GBX2: variants seen among roughly 807,000 people sequenced by gnomAD.
GBX2 encodes homeobox protein GBX-2.
Under a neutral mutation model 22.4 loss-of-function variants are expected in GBX2, and 5 were observed. The observed-to-expected ratio is 0.22, with a 90% confidence interval of 0.12 to 0.47. GBX2 has a LOEUF of 0.47. Among genes scored for constraint, GBX2 ranks in the 20% least tolerant of loss-of-function variants. GBX2 has a pLI of 0.99. For synonymous variants in GBX2, 220 were observed against 230.5 expected (o/e 0.95, Z 0.41); for missense variants, 470 against 495.4 (o/e 0.95, Z 0.49).
Position 236,167,978 on chromosome 2 carries a change from G to T in GBX2, c.-7C>A. Reference sequence around the variant, plus strand: ...GCGGGAACGCTGCGCTCATAGACGCGCTCGGTAGAGGCCAGCGAGAGGCGA... The same window carrying T: ...GCGGGAACGCTGCGCTCATAGACGCTCTCGGTAGAGGCCAGCGAGAGGCGA... On this transcript the variant is annotated 5_prime_UTR_variant, in exon 1 of 2. Transcript: ENST00000306318. The T allele has an allele frequency of 6.5e-7, 1 of 1,549,544 alleles. No homozygotes were observed. The highest frequency in any genetic ancestry group is 8.7e-7 in the Non-Finnish European group (1 of 1,150,888).
At chr2:236,163,177 C>T (rs966395727), downstream of GBX2, among the ~76,000 whole-genome samples, 1 of 152,170 alleles carries the variant, frequency 6.6e-6, no homozygotes, top group Non-Finnish European at 1.5e-5. Context: ...GGCCATCAAG[C>T]GCTGCTTGTT....
At chr2:236,167,099 G>T in intron 1 of GBX2, 17 of 1,525,676 alleles carry the variant, frequency 1.1e-5, no homozygotes, top group Non-Finnish European at 1.5e-5. Context: ...CGGCTGAGAC[G>T]CGCAGCCCAA....
downstream of GBX2, among the ~76,000 whole-genome samples, chr2:236,162,053 G>A (rs555982553): frequency 1.5e-4 from 23 of 152,340 alleles, no homozygotes; most frequent in Admixed American, 7.2e-4. Flanking sequence ...AGCCCTGTGC[G>A]AGCTTCACCA....
chr2:236,167,172 G>A (rs554778018), intron 1 of GBX2: 10 of 1,535,562 alleles, frequency 6.5e-6, no homozygotes, highest in African/African-American at 4.1e-5. Context: ...CGGCAGAGGC[G>A]GCCTCGGCCA....
At position 236,166,928 on chromosome 2, in the gene GBX2, GACA is replaced by G. The variant is rs2060242513; in HGVS notation, c.524-494_524-492del. ...ATCCCAGACCATCTTTTTTGAGACAGACAACGTTGGTCAAAGGGATGTTTTGTG... is the reference window on the plus strand; with the variant it reads ...ATCCCAGACCATCTTTTTTGAGACAGACGTTGGTCAAAGGGATGTTTTGTG... On this transcript the variant is annotated intron_variant, in intron 1 of 1. Coordinates refer to ENST00000306318, the MANE Select transcript of GBX2 (RefSeq NM_001485.4). The surrounding 1 kb of genome is among the most constrained non-coding windows in gnomAD (Gnocchi z 6.6). Among the ~76,000 whole-genome samples the G allele has an allele frequency of 6.6e-6, 1 of 152,202 alleles. No homozygotes were observed. The highest frequency in any genetic ancestry group is 6.5e-5 in the Admixed American group (1 of 15,278).
At position 236,167,693 on chromosome 2, in the gene GBX2, G is replaced by A; in HGVS notation, c.279C>T (p.Ser93=). The change falls in exon 1 of 2, where the codon AGC becomes AGT. Residue 93 remains serine, a synonymous_variant. Transcript: ENST00000306318. ...AGGTGAGCGCCATGCCCTGCGCCAG[G>A]CTGGAGCAGAAGCCTGTGGGCAGGC... ...IPSLPTGFCS[S]LAQGMALTST... is the part of the protein sequence containing the mutation. The A allele has an allele frequency of 6.3e-7, 1 of 1,578,284 alleles. No homozygotes were observed. Among genetic ancestry groups the A allele is most frequent in the Non-Finnish European group, 8.6e-7 (1 of 1,166,294 alleles).
At position 236,168,176 on chromosome 2, in the gene GBX2, C is replaced by T; in HGVS notation, c.-205G>A. 1 of 407,822 alleles carries T rather than the reference C, an allele frequency of 2.5e-6. No homozygotes were observed. The highest frequency in any genetic ancestry group is 3.9e-6 in the Non-Finnish European group (1 of 255,214). 25.3% of individuals were successfully genotyped at this position (407,822 alleles called of 1,614,324 possible). ...GGTGTGCGGGGTGAGGCCGTGCGCC[C>T]CGGAGTGGAGAGGGCGCCCGGGCCC... On this transcript the variant is annotated 5_prime_UTR_variant, in exon 1 of 2. Transcript: ENST00000306318.
chr2:236,164,397 C>A (rs1317951819), downstream of GBX2, among the ~76,000 whole-genome samples: 2 of 152,160 alleles, frequency 1.3e-5, no homozygotes, highest in African/African-American at 4.8e-5. Flanking sequence ...GGCCTGTCCG[C>A]CGCAGTATCT....
chr2:236,166,587 C>G lies in GBX2; in HGVS notation c.524-150G>C. On this transcript the variant is annotated intron_variant, in intron 1 of 1. Coordinates refer to ENST00000306318, the MANE Select transcript of GBX2 (RefSeq NM_001485.4). This position sits in a 1 kb window ranked among gnomAD's most constrained non-coding sequence, Gnocchi z 6.6. Reference sequence around the variant, plus strand: ...ACATTAACACATTGTGATTTCCTGGCCTTTGAGGGGTAGAGGAGGGGTGGG... The same window carrying G: ...ACATTAACACATTGTGATTTCCTGGGCTTTGAGGGGTAGAGGAGGGGTGGG... 1 of 763,494 alleles carries G rather than the reference C, an allele frequency of 1.3e-6. No individual in the cohort carries two copies. The allele number at this position is 763,494 out of a possible 1,614,324, so 47.3% of individuals were successfully genotyped here. A position where few individuals can be genotyped will look rare whatever the true frequency, so the allele number is the denominator to read the frequency against.
chr2:236,167,372 T>C, intron 1 of GBX2, 77 bp downstream of exon 1: 2 of 1,402,076 alleles, frequency 1.4e-6, no homozygotes, highest in Non-Finnish European at 1.9e-6. Flanking sequence ...CCCCTTGGTC[T>C]CCCGCGGGAA....
chr2:236,167,337 G>C, intron 1 of GBX2, 112 bp downstream of exon 1: 1 of 1,370,052 alleles, frequency 7.3e-7, no homozygotes, highest in Non-Finnish European at 9.7e-7. Context: ...CCTCCCGCGG[G>C]GGTCGAGCGG....
In GBX2 at chr2:236,167,525, C is replaced by T; in HGVS notation, c.447G>A (p.Glu149=). 2.5e-6 allele frequency: 4 copies of T among 1,597,932 alleles called. No individual in the cohort carries two copies. In the South Asian group the frequency reaches 3.3e-5, roughly 13 times the overall value. The change falls in exon 1 of 2, where the codon GAG becomes GAA. Residue 149 remains glutamate, a synonymous_variant. Transcript: ENST00000306318. Reference sequence around the variant, plus strand: ...CTTTGGCCAGGAAGCCTTTGCCGTCCTCCGCGTCAGCCTGCAGCGCCTCCG... The same window carrying T: ...CTTTGGCCAGGAAGCCTTTGCCGTCTTCCGCGTCAGCCTGCAGCGCCTCCG... ...DKAEALQADA[E]DGKGFLAKEG... is the part of the protein sequence containing the mutation.
rs1192436093 is a variant in GBX2, at chr2:236,165,533, C to T, written c.*381G>A. On this transcript the variant is annotated 3_prime_UTR_variant, in exon 2 of 2. Coordinates refer to ENST00000306318, the MANE Select transcript of GBX2 (RefSeq NM_001485.4). ...TGCTTGTTCTTGGGTTTCACGTTTA[C>T]CTTTGGAAAAGTATGGAAAGGTGGC... is the stretch of plus-strand genomic sequence containing the variant. 1 of 173,678 alleles carries T rather than the reference C, an allele frequency of 5.8e-6. No homozygotes were observed. Among genetic ancestry groups the T allele is most frequent in the African/African-American group, 2.4e-5 (1 of 42,142 alleles). The allele number at this position is 173,678 out of a possible 1,614,324, so 10.8% of individuals were successfully genotyped here.
chr2:236,161,344 G>C (rs1025394409), downstream of GBX2, among the ~76,000 whole-genome samples: 2 of 152,242 alleles, frequency 1.3e-5, no homozygotes, highest in African/African-American at 2.4e-5. Context: ...AATCGGTTTT[G>C]ATGATGTAAT....
In GBX2 at chr2:236,166,548, A is replaced by T; in HGVS notation, c.524-111T>A. On this transcript the variant is annotated intron_variant, in intron 1 of 1. Coordinates refer to ENST00000306318, the MANE Select transcript of GBX2 (RefSeq NM_001485.4). The surrounding 1 kb of genome is among the most constrained non-coding windows in gnomAD (Gnocchi z 6.6). ...CCCCCCGCCCCCCACCCTTTAGCGG[A>T]TTGTCTTTCTATGACATTAACACAT... 1 of 924,436 alleles carries T rather than the reference A, an allele frequency of 1.1e-6. No homozygotes were observed. The highest frequency in any genetic ancestry group is 1.7e-6 in the Non-Finnish European group (1 of 603,568). 57.3% of individuals were successfully genotyped at this position (924,436 alleles called of 1,614,324 possible).
chr2:236,166,407 T>C lies in GBX2; in HGVS notation c.554A>G (p.Glu185Gly). Residue 185 changes from glutamate (E) to glycine (G), a missense_variant, in exon 2 of 2, where the codon GAG (glutamate) becomes GGG (glycine). By Grantham distance (98) the Glu-to-Gly change is moderately conservative (BLOSUM62 -2). Transcript: ENST00000306318. The surrounding 1 kb of genome is among the most constrained non-coding windows in gnomAD (Gnocchi z 6.6). ...VGAVRGQGKD[E>G]SKVEDDPKGK... ...CTTCGGGTCGTCTTCCACCTTTGAC[T>C]CGTCTTTCCCTTGCCCTCGGACAGC... 1 of 1,613,076 alleles carries C rather than the reference T, an allele frequency of 6.2e-7. No individual in the cohort carries two copies. Among genetic ancestry groups the C allele is most frequent in the Non-Finnish European group, 8.5e-7 (1 of 1,179,318 alleles).
chr2:236,167,046 A>G, intron 1 of GBX2: 1 of 1,102,472 alleles, frequency 9.1e-7, no homozygotes, highest in Non-Finnish European at 1.3e-6. Flanking sequence ...TAGCAAGACC[A>G]GCGAAGGGGT....
downstream of GBX2, among the ~76,000 whole-genome samples, chr2:236,162,956 T>C (rs1389155900): frequency 1.3e-5 from 2 of 152,170 alleles, no homozygotes; most frequent in Non-Finnish European, 2.9e-5. Context: ...TTGCTGTTAA[T>C]TTAGTGCAGG....
At position 236,168,071 on chromosome 2, in the gene GBX2, G is replaced by C; in HGVS notation, c.-100C>G. The C allele has an allele frequency of 1.6e-6, 2 of 1,271,526 alleles. No individual in the cohort carries two copies. Among genetic ancestry groups the C allele is most frequent in the Non-Finnish European group, 2.0e-6 (2 of 996,768 alleles). 78.8% of individuals were successfully genotyped at this position (1,271,526 alleles called of 1,614,324 possible). On this transcript the variant is annotated 5_prime_UTR_variant, in exon 1 of 2. Coordinates refer to ENST00000306318, the MANE Select transcript of GBX2 (RefSeq NM_001485.4). ...CCGGGAGCACCGCCGGGAGCGCCGG[G>C]CAGGGGCCGAGCGGGACCCGGAGAG...
Sources: gnomAD v4.1 joint callset for allele counts (sites outside exome capture counted in the v4.1 genomes callset) on GRCh38, gnomAD v4.1.1 for gene constraint, Gnocchi (gnomAD v3.1) non-coding constraint, MANE v1.5 for transcripts, NCBI Gene and HGNC (gene_info 2026-07-23, HGNC 2026-07-21) for gene names.